AGBL4: variants seen among roughly 807,000 people sequenced by gnomAD.
The protein encoded by AGBL4 is cytosolic carboxypeptidase 6.
Under a neutral mutation model 66.4 loss-of-function variants are expected in AGBL4, and 58 were observed. The observed-to-expected ratio is 0.87, with a 90% CI of 0.71 to 1.09. AGBL4 has a LOEUF of 1.09. Among genes scored for constraint, AGBL4 ranks in the 50% least tolerant of loss-of-function variants. AGBL4 has a pLI of 0.00. For synonymous variants in AGBL4, 234 were observed against 222.9 expected (o/e 1.05, Z -0.44); for missense variants, 579 against 631.0 (o/e 0.92, Z 0.88).
At position 48,533,425 on chromosome 1, in the gene AGBL4, C is replaced by T. The variant is rs1244633076; in HGVS notation, c.*748G>A. On this transcript the variant is annotated 3_prime_UTR_variant, in exon 14 of 14. Transcript: ENST00000371839. ...TGCAGATTAGCAATGCCTACATCTT[C>T]AGGGGCCAGGCTTAATCCCTGTCAC... is the stretch of plus-strand genomic sequence containing the variant. 1 of 152,250 alleles carries T rather than the reference C, an allele frequency of 6.6e-6. No individual in the cohort carries two copies. The highest frequency in any genetic ancestry group is 1.5e-5 in the Non-Finnish European group (1 of 68,092). 9.4% of individuals were successfully genotyped at this position (152,250 alleles called of 1,614,324 possible).
intron 1 of AGBL4, among the ~76,000 whole-genome samples, chr1:49,887,683 A>G (rs1648210916): frequency 6.6e-6 from 1 of 152,166 alleles, no homozygotes; most frequent in South Asian, 2.1e-4. Context: ...TGGACAGCAA[A>G]TGCAGTTGGG....
chr1:48,646,384 GA>G (rs1645835141), intron 8 of AGBL4, among the ~76,000 whole-genome samples: 1 of 152,164 alleles, frequency 6.6e-6, no homozygotes, highest in Non-Finnish European at 1.5e-5. Flanking sequence ...TGCTGTTACA[GA>G]ACAAATAGAA....
intron 6 of AGBL4, among the ~76,000 whole-genome samples, chr1:48,681,970 G>A (rs932204118): frequency 1.3e-5 from 2 of 152,206 alleles, no homozygotes; most frequent in African/African-American, 4.8e-5. Flanking sequence ...CTTTTAAAGA[G>A]GTAGCAAGGT....
chr1:48,886,872 T>C (rs904701642), intron 5 of AGBL4, among the ~76,000 whole-genome samples: 4 of 152,166 alleles, frequency 2.6e-5, no homozygotes, highest in African/African-American at 9.7e-5. Context: ...CAAATTCTTA[T>C]TGGCTCCACC....
chr1:48,939,574 G>T lies in AGBL4; in HGVS notation c.595-72344C>A, dbSNP rs544102762. ...TAAGTATTAGGCTGGATGTTGATCTGCTCTTTGGAGGTTAAAGGCTGGACA... is the reference window on the plus strand; with the variant it reads ...TAAGTATTAGGCTGGATGTTGATCTTCTCTTTGGAGGTTAAAGGCTGGACA... On this transcript the variant is annotated intron_variant, in intron 5 of 13. Coordinates refer to ENST00000371839, the MANE Select transcript of AGBL4 (RefSeq NM_032785.4). Among the ~76,000 whole-genome samples the T allele has an allele frequency of 2.0e-5, 3 of 152,314 alleles. No homozygotes were observed. In the East Asian group the frequency reaches 5.8e-4, roughly 29 times the overall value.
At chr1:49,877,365 T>A (rs557602593) in intron 1 of AGBL4, among the ~76,000 whole-genome samples, 2 of 152,072 alleles carry the variant, frequency 1.3e-5, no homozygotes, top group Non-Finnish European at 2.9e-5. Flanking sequence ...GTTTTTAGCT[T>A]GAAGGGTTGT....
intron 4 of AGBL4, among the ~76,000 whole-genome samples, chr1:49,068,240 T>C (rs966629820): frequency 2.7e-4 from 41 of 152,130 alleles, no homozygotes; most frequent in Admixed American, 1.2e-3. Flanking sequence ...TTTTCTCTTT[T>C]CTTTTTTTAT....
At chr1:49,611,602 C>T (rs1645156477) in intron 3 of AGBL4, among the ~76,000 whole-genome samples, 1 of 152,062 alleles carries the variant, frequency 6.6e-6, no homozygotes, top group Non-Finnish European at 1.5e-5. Context: ...TGGTCTCGAT[C>T]TCCTGACCTC....
intron 3 of AGBL4, among the ~76,000 whole-genome samples, chr1:49,458,792 G>A (rs1384999368): frequency 6.6e-6 from 1 of 151,740 alleles, no homozygotes; most frequent in African/African-American, 2.4e-5. Context: ...TTTGTCAAAT[G>A]CTTTTTCTGT....
intron 6 of AGBL4, among the ~76,000 whole-genome samples, chr1:48,837,661 T>C (rs1301687919): frequency 9.9e-6 from 1 of 100,600 alleles, no homozygotes; most frequent in Non-Finnish European, 1.9e-5. Flanking sequence ...TATTACTTAA[T>C]GAACACACAC....
chr1:49,637,495 G>A (rs1645698974), intron 3 of AGBL4, among the ~76,000 whole-genome samples: 1 of 151,776 alleles, frequency 6.6e-6, no homozygotes, highest in South Asian at 2.1e-4. Flanking sequence ...TAGAGACAGG[G>A]TTTCACCATG....
At chr1:48,539,536 G>A (rs142568934) in intron 12 of AGBL4, 106 bp downstream of exon 12, 29 of 825,898 alleles carry the variant, frequency 3.5e-5, no homozygotes, top group African/African-American at 1.8e-4. Flanking sequence ...TCTTTCCTGC[G>A]GCACAGATGG....
chr1:49,814,863 A>G (rs1437636187), intron 2 of AGBL4, among the ~76,000 whole-genome samples: 1 of 152,154 alleles, frequency 6.6e-6, no homozygotes, highest in Non-Finnish European at 1.5e-5. Context: ...AAAAGTAGCC[A>G]TTAATTTTAA....
intron 3 of AGBL4, among the ~76,000 whole-genome samples, chr1:49,608,303 CTTATTCTGAATTTTTTGT>C (rs1346575598): frequency 6.6e-6 from 1 of 152,128 alleles, no homozygotes; most frequent in Non-Finnish European, 1.5e-5. Flanking sequence ...ATTTTCCCAT[CTTATTCTGAATTTTTTGT>C]TTTACTTCTA....
intron 9 of AGBL4, among the ~76,000 whole-genome samples, chr1:48,608,904 TAA>T (rs1431052211): frequency 6.6e-6 from 1 of 152,166 alleles, no homozygotes; most frequent in African/African-American, 2.4e-5. Flanking sequence ...TTGTAATATA[TAA>T]AAAGATTTGC....
intron 4 of AGBL4, among the ~76,000 whole-genome samples, chr1:49,111,355 G>A (rs901209552): frequency 1.5e-4 from 23 of 152,080 alleles, no homozygotes; most frequent in Admixed American, 9.8e-4. Flanking sequence ...CTCCTGATCC[G>A]CCCGCCTTGG....
At chr1:49,001,605 G>C (rs1039051414) in intron 5 of AGBL4, among the ~76,000 whole-genome samples, 1 of 152,080 alleles carries the variant, frequency 6.6e-6, no homozygotes, top group Admixed American at 6.6e-5. Context: ...GTTACCAAGT[G>C]GTGTCAGCTC....
At chr1:49,867,146 TG>T (rs1386609393) in intron 1 of AGBL4, among the ~76,000 whole-genome samples, 1 of 152,066 alleles carries the variant, frequency 6.6e-6, no homozygotes, top group Admixed American at 6.5e-5. Flanking sequence ...TGACCTTGGG[TG>T]TCACACCTAG....
intron 4 of AGBL4, among the ~76,000 whole-genome samples, chr1:49,184,114 G>A (rs955052304): frequency 2.6e-5 from 4 of 152,096 alleles, no homozygotes; most frequent in South Asian, 2.1e-4. Flanking sequence ...TTTACAAGGT[G>A]CCAGATGTAG....
Sources: gnomAD v4.1 joint callset for allele counts (sites outside exome capture counted in the v4.1 genomes callset) on GRCh38, gnomAD v4.1.1 for gene constraint, MANE v1.5 for transcripts, NCBI Gene and HGNC (gene_info 2026-07-23, HGNC 2026-07-21) for gene names.